Variants in CHST14 observed in about 807,000 individuals in gnomAD.
CHST14 encodes carbohydrate sulfotransferase 14.
Under a neutral mutation model 22.7 loss-of-function variants are expected in CHST14, and 13 were observed. The observed-to-expected ratio is 0.57, with a 90% CI of 0.37 to 0.91. The LOEUF is 0.91. Ranked by LOEUF, CHST14 falls within the 40% of genes least tolerant of loss-of-function variation. The pLI, the probability that CHST14 is intolerant of heterozygous loss-of-function variation, is 0.01. For synonymous variants in CHST14, 233 were observed against 231.9 expected (o/e 1.00, Z -0.04); for missense variants, 466 against 513.1 (o/e 0.91, Z 0.89).
chr15:40,472,353 G>T lies in CHST14; in HGVS notation c.*9G>T. On this transcript the variant is annotated 3_prime_UTR_variant, in exon 1 of 1. Coordinates refer to ENST00000306243, the MANE Select transcript of CHST14 (RefSeq NM_130468.4). ...AGGCGTGTCAGCAGTGACCATGGGT[G>T]TGGGGCCAGCAGCTGGTGGGGACTG... The T allele has an allele frequency of 6.3e-7, 1 of 1,588,244 alleles. No individual in the cohort carries two copies. The highest frequency in any genetic ancestry group is 8.6e-7 in the Non-Finnish European group (1 of 1,166,254).
rs1160619223 is a variant in CHST14 at position 40,472,229 on chromosome 15, A to G, written c.1016A>G (p.His339Arg). 3 of 1,613,810 alleles carry G rather than the reference A, an allele frequency of 1.9e-6. No individual in the cohort carries two copies. The South Asian group carries it at 3.3e-5, about 18-fold the overall frequency. The change falls in exon 1 of 1, where the codon CAC becomes CGC. Residue 339 changes from histidine (H) to arginine (R), a missense_variant. By Grantham distance (29) the His-to-Arg change is conservative. Coordinates refer to ENST00000306243, the MANE Select transcript of CHST14 (RefSeq NM_130468.4). ...RPASPESLHY[H>R]LCSAPRALLQ... is the part of the protein sequence containing the mutation. ...GCCAGCCCCGAAAGCCTGCATTACC[A>G]CTTGTGCAGTGCCCCCCGGGCCCTG...
chr15:40,471,520 C>T lies in CHST14; in HGVS notation c.307C>T (p.Gln103Ter). ...CCTCAGGGCTGGGGACGCGGACTTGCAAGTGCGGCAGGACGTCCGGAACAG... is the reference window on the plus strand; with the variant it reads ...CCTCAGGGCTGGGGACGCGGACTTGTAAGTGCGGCAGGACGTCCGGAACAG... The part of the protein sequence containing the change: ...LSLRAGDADL[Q>*]VRQDVRNRTL... Residue 103 changes from glutamine to a stop codon, truncating the protein, a stop_gained, in exon 1 of 1, where the codon CAA becomes TAA. Coordinates refer to ENST00000306243, the MANE Select transcript of CHST14 (RefSeq NM_130468.4). LOFTEE classifies it high-confidence loss of function. This position sits in a 1 kb window ranked among gnomAD's most constrained non-coding sequence, Gnocchi z 6.4. 1 of 1,600,686 alleles carries T rather than the reference C, an allele frequency of 6.2e-7. No homozygotes were observed. The highest frequency in any genetic ancestry group is 1.3e-5 in the African/African-American group (1 of 74,864).
rs1874600774 is a variant in CHST14, at chr15:40,472,960, T to A, written c.*616T>A. 1.2e-5 allele frequency: 2 copies of A among 167,378 alleles called. No homozygotes were observed. The highest frequency in any genetic ancestry group is 4.1e-4 in the South Asian group (2 of 4,830). 10.4% of individuals were successfully genotyped at this position (167,378 alleles called of 1,614,324 possible). A position where few individuals can be genotyped will look rare whatever the true frequency, so the allele number is the denominator to read the frequency against. ...ACCCAAAGACCCTCTGTGCCCAGCC[T>A]CTTCCTTGAGTTCTCGGAACCTCCT... On this transcript the variant is annotated 3_prime_UTR_variant, in exon 1 of 1. Coordinates refer to ENST00000306243, the MANE Select transcript of CHST14 (RefSeq NM_130468.4).
chr15:40,472,491 TC>T lies in CHST14; in HGVS notation c.*149del. The T allele has an allele frequency of 1.1e-6, 1 of 930,934 alleles. No homozygotes were observed. The highest frequency in any genetic ancestry group is 1.6e-6 in the Non-Finnish European group (1 of 616,196). 57.7% of individuals were successfully genotyped at this position (930,934 alleles called of 1,614,324 possible). On this transcript the variant is annotated 3_prime_UTR_variant, in exon 1 of 1. Coordinates refer to ENST00000306243, the MANE Select transcript of CHST14 (RefSeq NM_130468.4). ...AGAGACTGCCCTCAGAAGTTCCTTGTCCAGGGTGGGCACCCACAGTGACTCA... is the reference window on the plus strand; with the variant it reads ...AGAGACTGCCCTCAGAAGTTCCTTGTCAGGGTGGGCACCCACAGTGACTCA...
rs775350610 is a variant in CHST14 at position 40,471,652 on chromosome 15, T to C, written c.439T>C (p.Tyr147His). ...LLRHILVSDR[Y>H]RFLYCYVPKV... ...GCGCCACATCCTCGTAAGTGACCGT[T>C]ACCGCTTCCTCTACTGCTACGTCCC... The change falls in exon 1 of 1, where the codon TAC becomes CAC. Residue 147 changes from tyrosine (Y) to histidine (H), a missense_variant. Tyr to His is a moderately conservative substitution (Grantham distance 83). Transcript: ENST00000306243. The surrounding 1 kb of genome is among the most constrained non-coding windows in gnomAD (Gnocchi z 6.4). The C allele has an allele frequency of 2.2e-5, 35 of 1,613,554 alleles. No homozygotes were observed. Among genetic ancestry groups the C allele is most frequent in the Non-Finnish European group, 2.7e-5 (32 of 1,180,008 alleles).
At position 40,472,767 on chromosome 15, in the gene CHST14, C is replaced by G; in HGVS notation, c.*423C>G. On this transcript the variant is annotated 3_prime_UTR_variant, in exon 1 of 1. Transcript: ENST00000306243. ...GCTCTGATCCCCCATTTATCCACCC[C>G]ATGTGCCTCAGGACTAGAGTGAGCA... 1 of 203,400 alleles carries G rather than the reference C, an allele frequency of 4.9e-6. No homozygotes were observed. Among genetic ancestry groups the G allele is most frequent in the Admixed American group, 5.3e-5 (1 of 18,980 alleles). 12.6% of individuals were successfully genotyped at this position (203,400 alleles called of 1,614,324 possible). A position where few individuals can be genotyped will look rare whatever the true frequency, so the allele number is the denominator to read the frequency against.
Position 40,472,202 on chromosome 15 carries a change from CAGCCAGCCCCGAA to C in CHST14, c.994_1006del (p.Ser332CysfsTer98). 1 of 1,614,168 alleles carries C rather than the reference CAGCCAGCCCCGAA, an allele frequency of 6.2e-7. No homozygotes were observed. Among genetic ancestry groups the C allele is most frequent in the Non-Finnish European group, 8.5e-7 (1 of 1,180,030 alleles). On this transcript the variant is annotated frameshift_variant, in exon 1 of 1. Coordinates refer to ENST00000306243, the MANE Select transcript of CHST14 (RefSeq NM_130468.4). LOFTEE classifies it high-confidence loss of function. The stretch of plus-strand genomic sequence containing the variant: ...CCAGCTCGCCAGGCCTGGTACCGGC[CAGCCAGCCCCGAA>C]AGCCTGCATTACCACTTGTGCAGTG...
chr15:40,472,138 G>A lies in CHST14; in HGVS notation c.925G>A (p.Val309Met). ...GAGGCTGGAGGCTGATGCAAATCAG[G>A]TGCTGGAGTGGGTACGGGCACCACC... The part of the protein sequence containing the change: ...YERLEADANQ[V>M]LEWVRAPPHV... Residue 309 changes from valine to methionine, a missense_variant, in exon 1 of 1, where the codon GTG (valine) becomes ATG (methionine). Coordinates refer to ENST00000306243, the MANE Select transcript of CHST14 (RefSeq NM_130468.4). The A allele has an allele frequency of 6.2e-7, 1 of 1,614,110 alleles. No individual in the cohort carries two copies. Among genetic ancestry groups the A allele is most frequent in the South Asian group, 1.1e-5 (1 of 91,084 alleles).
In CHST14 at chr15:40,472,374, G is replaced by A. The variant is rs768682760; in HGVS notation, c.*30G>A. 199 of 1,573,466 alleles carry A rather than the reference G, an allele frequency of 1.3e-4. 1 individual carries two copies. The highest frequency in any genetic ancestry group is 3.4e-4 in the Middle Eastern group (2 of 5,872). ...GGGTGTGGGGCCAGCAGCTGGTGGG[G>A]ACTGGTTTCAACGCCAGCTTTCTGT... On this transcript the variant is annotated 3_prime_UTR_variant, in exon 1 of 1. Transcript: ENST00000306243.
Position 40,473,045 on chromosome 15 carries a change from C to A in CHST14, c.*701C>A, listed in dbSNP as rs1293219308. 5 of 167,102 alleles carry A rather than the reference C, an allele frequency of 3.0e-5. No individual in the cohort carries two copies. The highest frequency in any genetic ancestry group is 7.2e-5 in the African/African-American group (3 of 41,454). 10.4% of individuals were successfully genotyped at this position (167,102 alleles called of 1,614,324 possible). On this transcript the variant is annotated 3_prime_UTR_variant, in exon 1 of 1. Coordinates refer to ENST00000306243, the MANE Select transcript of CHST14 (RefSeq NM_130468.4). Reference sequence around the variant, plus strand: ...GAGGTTGTGACTGTGGCTGGTATATCTGGCTGCCATTTTTCTGATGCATTT... The same window carrying A: ...GAGGTTGTGACTGTGGCTGGTATATATGGCTGCCATTTTTCTGATGCATTT...
Position 40,472,272 on chromosome 15 carries a change from T to A in CHST14, c.1059T>A (p.Pro353=). Residue 353 remains proline (P), a synonymous_variant, in exon 1 of 1, where the codon CCT becomes CCA. Coordinates refer to ENST00000306243, the MANE Select transcript of CHST14 (RefSeq NM_130468.4). ...GGGCCCTGCTGCAGGATGTGCTGCC[T>A]AAGTATATCCTGGACTTCTCCCTCT... is the stretch of plus-strand genomic sequence containing the variant. ...APRALLQDVL[P]KYILDFSLFA... The A allele has an allele frequency of 6.2e-7, 1 of 1,610,600 alleles. No homozygotes were observed. The highest frequency in any genetic ancestry group is 8.5e-7 in the Non-Finnish European group (1 of 1,177,608).
At position 40,472,676 on chromosome 15, in the gene CHST14, A is replaced by C; in HGVS notation, c.*332A>C. The C allele has an allele frequency of 1.1e-5, 3 of 285,010 alleles. No individual in the cohort carries two copies. Among genetic ancestry groups the C allele is most frequent in the South Asian group, 7.4e-5 (1 of 13,578 alleles). 17.7% of individuals were successfully genotyped at this position (285,010 alleles called of 1,614,324 possible). ...AGTCCACTTGGTCTACCTTAATTTA[A>C]CCTGTGGCCAAACTCAGAGATGGTA... On this transcript the variant is annotated 3_prime_UTR_variant, in exon 1 of 1. Coordinates refer to ENST00000306243, the MANE Select transcript of CHST14 (RefSeq NM_130468.4).
rs922548593 is a variant in CHST14 at position 40,471,037 on chromosome 15, C to A, written c.-177C>A. 5.7e-6 allele frequency: 2 copies of A among 348,960 alleles called. No individual in the cohort carries two copies. The highest frequency in any genetic ancestry group is 1.0e-5 in the Non-Finnish European group (2 of 195,442). The allele number at this position is 348,960 out of a possible 1,614,324, so 21.6% of individuals were successfully genotyped here. On this transcript the variant is annotated 5_prime_UTR_variant, in exon 1 of 1. Coordinates refer to ENST00000306243, the MANE Select transcript of CHST14 (RefSeq NM_130468.4). The surrounding 1 kb of genome is among the most constrained non-coding windows in gnomAD (Gnocchi z 6.4). The stretch of plus-strand genomic sequence containing the variant: ...CTCGCCGCGCCCGCCGCCCGCCGCC[C>A]GCTTCGGCGCCGCAGCCCGGGAGCC...
chr15:40,471,756 G>C lies in CHST14; in HGVS notation c.543G>C (p.Lys181Asn). The C allele has an allele frequency of 6.2e-7, 1 of 1,613,670 alleles. No homozygotes were observed. The change falls in exon 1 of 1, where the codon AAG becomes AAC. Residue 181 changes from lysine to asparagine, a missense_variant. Lys to Asn is a moderately conservative substitution (Grantham distance 94). Coordinates refer to ENST00000306243, the MANE Select transcript of CHST14 (RefSeq NM_130468.4). The surrounding 1 kb of genome is among the most constrained non-coding windows in gnomAD (Gnocchi z 6.4). ...TGGACAGCGTGGACGTCCGCCTCAA[G>C]ATGGACCACCGCAGTGACCTGGTGT... The part of the protein sequence containing the change: ...GVLDSVDVRL[K>N]MDHRSDLVFL...
Position 40,472,192 on chromosome 15 carries a change from T to C in CHST14, c.979T>C (p.Trp327Arg), listed in dbSNP as rs1346726993. The C allele has an allele frequency of 3.1e-6, 5 of 1,613,984 alleles. No individual in the cohort carries two copies. Among genetic ancestry groups the C allele is most frequent in the Non-Finnish European group, 4.2e-6 (5 of 1,180,034 alleles). ...CGTCCGATTTCCAGCTCGCCAGGCCTGGTACCGGCCAGCCAGCCCCGAAAG... is the reference window on the plus strand; with the variant it reads ...CGTCCGATTTCCAGCTCGCCAGGCCCGGTACCGGCCAGCCAGCCCCGAAAG... ...PHVRFPARQA[W>R]YRPASPESLH... is the part of the protein sequence containing the mutation. The change falls in exon 1 of 1, where the codon TGG (tryptophan) becomes CGG (arginine). Residue 327 changes from tryptophan to arginine, a missense_variant. Coordinates refer to ENST00000306243, the MANE Select transcript of CHST14 (RefSeq NM_130468.4).
Position 40,472,571 on chromosome 15 carries a change from G to C in CHST14, c.*227G>C. On this transcript the variant is annotated 3_prime_UTR_variant, in exon 1 of 1. Coordinates refer to ENST00000306243, the MANE Select transcript of CHST14 (RefSeq NM_130468.4). ...GCTCCTCATTGGGGGGATCTCTTGG[G>C]GGGCAGACACCAGTTTGCCAATGAA... is the stretch of plus-strand genomic sequence containing the variant. 3.5e-6 allele frequency: 2 copies of C among 570,902 alleles called. No homozygotes were observed. Among genetic ancestry groups the C allele is most frequent in the Non-Finnish European group, 6.3e-6 (2 of 316,360 alleles). The allele number at this position is 570,902 out of a possible 1,614,324, so 35.4% of individuals were successfully genotyped here. A position where few individuals can be genotyped will look rare whatever the true frequency, so the allele number is the denominator to read the frequency against.
Position 40,471,127 on chromosome 15 carries a change from A to G in CHST14, c.-87A>G, listed in dbSNP as rs1471852449. ...CCTCCCCAACTACCCCCGGTCCCAG[A>G]CCCTCCTCCCGCCCCCAGCCCGAGC... On this transcript the variant is annotated 5_prime_UTR_variant, in exon 1 of 1. Coordinates refer to ENST00000306243, the MANE Select transcript of CHST14 (RefSeq NM_130468.4). The surrounding 1 kb of genome is among the most constrained non-coding windows in gnomAD (Gnocchi z 6.4). 3 of 331,848 alleles carry G rather than the reference A, an allele frequency of 9.0e-6. No homozygotes were observed. Among genetic ancestry groups the G allele is most frequent in the Non-Finnish European group, 1.5e-5 (3 of 197,146 alleles). The allele number at this position is 331,848 out of a possible 1,614,324, so 20.6% of individuals were successfully genotyped here. A position where few individuals can be genotyped will look rare whatever the true frequency, so the allele number is the denominator to read the frequency against.
chr15:40,471,893 T>C lies in CHST14; in HGVS notation c.680T>C (p.Phe227Ser). Residue 227 changes from phenylalanine (F) to serine (S), a missense_variant, in exon 1 of 1, where the codon TTT (phenylalanine) becomes TCT (serine). Physicochemically the swap from Phe to Ser is radical, Grantham distance 155. Coordinates refer to ENST00000306243, the MANE Select transcript of CHST14 (RefSeq NM_130468.4). This position sits in a 1 kb window ranked among gnomAD's most constrained non-coding sequence, Gnocchi z 6.4. ...CTCCTCTCTGCCTACCGCAACAAGT[T>C]TGGCGAGATCCGAGAGTACCAGCAA... ...ERLLSAYRNK[F>S]GEIREYQQRY... The C allele has an allele frequency of 6.2e-7, 1 of 1,614,072 alleles. No individual in the cohort carries two copies. The highest frequency in any genetic ancestry group is 8.5e-7 in the Non-Finnish European group (1 of 1,180,028).
In CHST14 at chr15:40,471,856, C is replaced by G; in HGVS notation, c.643C>G (p.Pro215Ala). The G allele has an allele frequency of 6.2e-7, 1 of 1,613,902 alleles. No individual in the cohort carries two copies. The highest frequency in any genetic ancestry group is 8.5e-7 in the Non-Finnish European group (1 of 1,180,024). Residue 215 changes from proline to alanine, a missense_variant, in exon 1 of 1, where the codon CCC (proline) becomes GCC (alanine). Pro to Ala is a conservative substitution (Grantham distance 27). Transcript: ENST00000306243. The surrounding 1 kb of genome is among the most constrained non-coding windows in gnomAD (Gnocchi z 6.4). ...HYFKFLFVRE[P>A]LERLLSAYRN... ...CTTTAAGTTCCTGTTTGTGCGGGAGCCCTTGGAACGCCTCCTCTCTGCCTA... is the reference window on the plus strand; with the variant it reads ...CTTTAAGTTCCTGTTTGTGCGGGAGGCCTTGGAACGCCTCCTCTCTGCCTA...
Sources: gnomAD v4.1 joint callset for allele counts on GRCh38, gnomAD v4.1.1 for gene constraint, Gnocchi (gnomAD v3.1) non-coding constraint, MANE v1.5 for transcripts, NCBI Gene and HGNC (gene_info 2026-07-23, HGNC 2026-07-21) for gene names.